CNBD1: variants seen among roughly 807,000 people sequenced by gnomAD.
CNBD1 encodes the protein cyclic nucleotide binding domain containing 1, also known as cyclic nucleotide-binding domain-containing protein 1.
Under a neutral mutation model 54.4 loss-of-function variants are expected in CNBD1, and 71 were observed. The observed-to-expected ratio is 1.30, with a 90% CI of 1.08 to 1.59. The LOEUF (loss-of-function observed/expected upper bound fraction) is 1.59, where lower values mean the gene tolerates loss of function less well. Ranked by LOEUF, CNBD1 falls within the 40% of genes most tolerant of loss-of-function variation. The pLI is 0.00. For missense variants in CNBD1, 659 were observed against 518.0 expected, an observed-to-expected ratio of 1.27 and a Z score of -2.64; for synonymous variants, 182 against 170.7, an observed-to-expected ratio of 1.07 and a Z score of -0.51.
intron 4 of CNBD1, among the ~76,000 whole-genome samples, chr8:87,018,112 G>A (rs1335675957): frequency 3.3e-5 from 5 of 152,016 alleles, no homozygotes; most frequent in South Asian, 4.1e-4. Flanking sequence ...GCATGGTGGC[G>A]CATGCCTGTA....
intron 2 of CNBD1, among the ~76,000 whole-genome samples, chr8:86,892,412 T>C (rs1279128944): frequency 6.6e-6 from 1 of 152,126 alleles, no homozygotes; most frequent in Non-Finnish European, 1.5e-5. Flanking sequence ...AATCATAGAA[T>C]TGTAGAACAG....
At chr8:87,118,438 A>G (rs1464828064) in intron 4 of CNBD1, among the ~76,000 whole-genome samples, 1 of 152,090 alleles carries the variant, frequency 6.6e-6, no homozygotes, top group Non-Finnish European at 1.5e-5. Flanking sequence ...TTTCACTGAG[A>G]AAATATTATT....
chr8:87,087,621 G>A (rs1023815320), intron 4 of CNBD1, among the ~76,000 whole-genome samples: 1 of 151,272 alleles, frequency 6.6e-6, no homozygotes, highest in South Asian at 2.1e-4. Context: ...CAGCCACCAC[G>A]CCCGGCTATT....
At chr8:87,427,366 C>G (rs1808068107) in intron 2 of CNBD1, among the ~76,000 whole-genome samples, 1 of 152,034 alleles carries the variant, frequency 6.6e-6, no homozygotes, top group African/African-American at 2.4e-5. Flanking sequence ...TTAAGTTACA[C>G]CATGGCTTTT....
chr8:87,305,064 G>C (rs992686628), intron 8 of CNBD1, among the ~76,000 whole-genome samples: 3 of 151,964 alleles, frequency 2.0e-5, no homozygotes, highest in Non-Finnish European at 2.9e-5. Context: ...TAAGTTTCTG[G>C]GTACAAGATT....
chr8:87,079,962 G>A (rs935086517), intron 4 of CNBD1, among the ~76,000 whole-genome samples: 1 of 151,978 alleles, frequency 6.6e-6, no homozygotes, highest in East Asian at 1.9e-4. Flanking sequence ...TTAGATTTCT[G>A]TTCCATTTTG....
chr8:87,414,203 A>T lies in CNBD1; in HGVS notation c.214-14343A>T, dbSNP rs370818406. On this transcript the variant is annotated intron_variant, in intron 2 of 7. Coordinates refer to the CNBD1 transcript ENST00000521593. ...AATACTATGCAGCCATAAAAAATGAAGAGTTCATGTCCTTTGTAGGGACAT... is the reference window on the plus strand; with the variant it reads ...AATACTATGCAGCCATAAAAAATGATGAGTTCATGTCCTTTGTAGGGACAT... 1.1e-4 allele frequency among the ~76,000 whole-genome samples: 16 copies of T among 152,050 alleles called. No individual in the cohort carries two copies. The East Asian group carries it at 1.6e-3, about 15-fold the overall frequency.
At chr8:87,381,684 G>T (rs1275683927) in intron 10 of CNBD1, among the ~76,000 whole-genome samples, 3 of 151,866 alleles carry the variant, frequency 2.0e-5, no homozygotes, top group African/African-American at 4.8e-5. Context: ...CCTTAAAAAG[G>T]AAATTCTGCA....
At chr8:86,882,570 G>T (rs1808621295) in intron 1 of CNBD1, among the ~76,000 whole-genome samples, 2 of 152,164 alleles carry the variant, frequency 1.3e-5, no homozygotes, top group South Asian at 4.1e-4. Context: ...CCCTGTTGGT[G>T]GGACTGTAAA....
intron 3 of CNBD1, among the ~76,000 whole-genome samples, chr8:86,932,223 A>G (rs116375930): frequency 0.027 from 4,144 of 152,246 alleles, 203 homozygotes; most frequent in African/African-American, 0.094. Flanking sequence ...TAGGACATCT[A>G]TATCCCTATC....
In CNBD1 at chr8:87,016,149, G is replaced by A. The variant is rs146623636; in HGVS notation, c.431+76395G>A. Among the ~76,000 whole-genome samples the A allele has an allele frequency of 2.6e-3, 398 of 151,936 alleles. 3 individuals carry two copies. The highest frequency in any genetic ancestry group is 4.9e-3 in the Admixed American group (74 of 15,248). ...CAGATTGGCAAAAGCTAGCTCAGAT[G>A]CCTCTTAATTTATATAACCTTAGTA... On this transcript the variant is annotated intron_variant, in intron 4 of 10. Coordinates refer to ENST00000518476, the MANE Select transcript of CNBD1 (RefSeq NM_173538.3).
chr8:86,888,528 T>G (rs1317309299), intron 2 of CNBD1, among the ~76,000 whole-genome samples: 1 of 152,166 alleles, frequency 6.6e-6, no homozygotes, highest in Non-Finnish European at 1.5e-5. Context: ...TTTCTCTGCC[T>G]TGGTTTTTTC....
intron 4 of CNBD1, among the ~76,000 whole-genome samples, chr8:86,979,124 A>C (rs1376263197): frequency 1.3e-5 from 2 of 152,148 alleles, no homozygotes; most frequent in African/African-American, 4.8e-5. Context: ...TCACAAAATC[A>C]AAATTTTCAA....
intron 4 of CNBD1, among the ~76,000 whole-genome samples, chr8:86,962,635 A>T (rs1419288361): frequency 1.3e-5 from 2 of 151,956 alleles, no homozygotes; most frequent in Middle Eastern, 3.4e-3. Flanking sequence ...AATACAAAAA[A>T]CTTAGCTGGG....
intron 4 of CNBD1, among the ~76,000 whole-genome samples, chr8:87,072,862 A>T (rs1810787273): frequency 6.6e-6 from 1 of 151,938 alleles, no homozygotes; most frequent in African/African-American, 2.4e-5. Context: ...CTGTCTTTCT[A>T]GGTTGAGGAA....
At chr8:87,273,547 C>A (rs1808411939) in intron 6 of CNBD1, among the ~76,000 whole-genome samples, 1 of 151,960 alleles carries the variant, frequency 6.6e-6, no homozygotes, top group Non-Finnish European at 1.5e-5. Flanking sequence ...AAACTGTGCT[C>A]TTGGACTAAT....
intron 3 of CNBD1, among the ~76,000 whole-genome samples, chr8:86,914,800 A>G (rs181114466): frequency 2.0e-4 from 30 of 152,358 alleles, no homozygotes; most frequent in African/African-American, 7.0e-4. Context: ...GAAAGAAAAA[A>G]GAGCAGAATA....
intron 4 of CNBD1, among the ~76,000 whole-genome samples, chr8:87,109,561 CAG>C (rs912084549): frequency 6.9e-4 from 83 of 119,482 alleles, no homozygotes; most frequent in Non-Finnish European, 2.2e-4. Context: ...TTTTTTGAGG[CAG>C]AGTCTCACTC....
rs190124188 is a variant in CNBD1, at chr8:87,327,662, C to T, written c.1043-24023C>T. On this transcript the variant is annotated intron_variant, in intron 8 of 10. Transcript: ENST00000518476. ...GGCAGTGCCTCGCCCTGCTTCGGCT[C>T]GTGCCCGGTGCGCACACCCACTGAC... 4.1e-3 allele frequency among the ~76,000 whole-genome samples: 629 copies of T among 152,316 alleles called. 9 individuals are homozygous for T. The highest frequency in any genetic ancestry group is 0.013 in the African/African-American group (561 of 41,564).
Sources: allele counts gnomAD v4.1 joint callset (sites outside exome capture counted in the v4.1 genomes callset), GRCh38; gene constraint gnomAD v4.1.1; transcripts MANE v1.5; gene names NCBI Gene and HGNC (gene_info 2026-07-23, HGNC 2026-07-21).